Variants in YAP1 observed in about 807,000 individuals in gnomAD.
YAP1 encodes Yes1 associated transcriptional regulator.
YAP1 carries 5 observed loss-of-function variants against 56.9 expected under a neutral mutation model. That is an observed-to-expected ratio of 0.09 (90% CI 0.05 to 0.18). The LOEUF (loss-of-function observed/expected upper bound fraction) is 0.18, where lower values mean the gene tolerates loss of function less well. YAP1 is among the 10% of genes least tolerant of loss of function. The pLI is 1.00. For missense variants in YAP1, 539 were observed against 651.8 expected, an observed-to-expected ratio of 0.83 and a Z score of 1.88; for synonymous variants, 265 against 248.1, an observed-to-expected ratio of 1.07 and a Z score of -0.64.
chr11:102,177,655 G>A (rs971297967), intron 3 of YAP1, among the ~76,000 whole-genome samples: 11 of 140,006 alleles, frequency 7.9e-5, no homozygotes, highest in East Asian at 6.1e-4. Flanking sequence ...CTAGCCTGGC[G>A]ACAGAGTGAG....
intron 6 of YAP1, among the ~76,000 whole-genome samples, chr11:102,213,792 T>C (rs1236822049): frequency 1.3e-5 from 2 of 152,020 alleles, no homozygotes; most frequent in African/African-American, 4.8e-5. Context: ...ATGAGAATTC[T>C]TGAGGCAGGG....
At chr11:102,189,589 A>G (rs1948168377) in intron 4 of YAP1, among the ~76,000 whole-genome samples, 1 of 152,196 alleles carries the variant, frequency 6.6e-6, no homozygotes, top group Non-Finnish European at 1.5e-5. Flanking sequence ...TGACAAAAAC[A>G]GAATATTTAA....
At chr11:102,205,367 T>A (rs1949066137) in intron 4 of YAP1, among the ~76,000 whole-genome samples, 1 of 152,148 alleles carries the variant, frequency 6.6e-6, no homozygotes, top group Non-Finnish European at 1.5e-5. Flanking sequence ...TTGTCTTAAT[T>A]TTTGTGGATG....
intron 6 of YAP1, among the ~76,000 whole-genome samples, chr11:102,220,848 G>A (rs1949892083): frequency 6.6e-6 from 1 of 152,196 alleles, no homozygotes; most frequent in African/African-American, 2.4e-5. Context: ...TATCATTTCG[G>A]TGTAAAGGCG....
At chr11:102,209,491 T>G in intron 5 of YAP1, 26 bp from the exon 6 acceptor site, 5 of 1,599,158 alleles carry the variant, frequency 3.1e-6, no homozygotes, top group Non-Finnish European at 4.3e-6. Flanking sequence ...AAAGTAATTT[T>G]TATCCGTCTT....
chr11:102,136,709 C>T (rs1266894316), intron 2 of YAP1, among the ~76,000 whole-genome samples: 1 of 152,140 alleles, frequency 6.6e-6, no homozygotes, highest in East Asian at 1.9e-4. Context: ...TCAGAATTGA[C>T]TATGTATATA....
intron 2 of YAP1, among the ~76,000 whole-genome samples, chr11:102,117,690 C>T (rs1445242179): frequency 1.3e-5 from 2 of 152,222 alleles, no homozygotes; most frequent in East Asian, 1.9e-4. Context: ...GCAAGTGATA[C>T]GGTGGAAGTA....
intron 4 of YAP1, among the ~76,000 whole-genome samples, chr11:102,202,399 G>A (rs1361591219): frequency 2.7e-5 from 4 of 148,318 alleles, no homozygotes; most frequent in South Asian, 2.1e-4. Context: ...CCGGATGGTC[G>A]TGATCTTCTG....
chr11:102,139,836 GA>G (rs1309736945), intron 2 of YAP1, among the ~76,000 whole-genome samples: 1 of 152,128 alleles, frequency 6.6e-6, no homozygotes, highest in Non-Finnish European at 1.5e-5. Context: ...GCCTACCTAT[GA>G]AAACATCATT....
intron 3 of YAP1, among the ~76,000 whole-genome samples, chr11:102,175,303 G>A (rs1947177182): frequency 6.6e-6 from 1 of 152,142 alleles, no homozygotes; most frequent in African/African-American, 2.4e-5. Context: ...GGGAGGCTGA[G>A]GTGGGAGAAT....
chr11:102,179,617 A>C (rs1336668783), intron 3 of YAP1, among the ~76,000 whole-genome samples: 1 of 152,164 alleles, frequency 6.6e-6, no homozygotes, highest in Admixed American at 6.5e-5. Context: ...CTTACAGGTC[A>C]CTTCCTGCCC....
At chr11:102,218,237 T>G (rs1456910768) in intron 6 of YAP1, among the ~76,000 whole-genome samples, 2 of 152,238 alleles carry the variant, frequency 1.3e-5, no homozygotes, top group Middle Eastern at 3.2e-3. Context: ...TTGGCCTTGT[T>G]ACATTAGAGT....
chr11:102,136,319 A>G (rs1934356461), intron 2 of YAP1, among the ~76,000 whole-genome samples: 1 of 147,120 alleles, frequency 6.8e-6, no homozygotes. Flanking sequence ...TAATCCTTCC[A>G]TGTGCCTAGG....
chr11:102,232,398 A>G lies in YAP1; in HGVS notation c.*2458A>G, dbSNP rs1339754099. 2 of 152,124 alleles carry G rather than the reference A, an allele frequency of 1.3e-5. No individual in the cohort carries two copies. The highest frequency in any genetic ancestry group is 2.9e-5 in the Non-Finnish European group (2 of 68,036). The allele number at this position is 152,124 out of a possible 1,614,324, so 9.4% of individuals were successfully genotyped here. A position where few individuals can be genotyped will look rare whatever the true frequency, so the allele number is the denominator to read the frequency against. On this transcript the variant is annotated 3_prime_UTR_variant, in exon 9 of 9. Coordinates refer to ENST00000282441, the MANE Select transcript of YAP1 (RefSeq NM_001130145.3). ...TTAAAGGCAGCTGTTCTAGAGTTTC[A>G]GTCACCTAAGTACACCCACAAAACA...
intron 2 of YAP1, among the ~76,000 whole-genome samples, chr11:102,128,343 GATA>G (rs1343169962): frequency 6.6e-6 from 1 of 152,144 alleles, no homozygotes; most frequent in Non-Finnish European, 1.5e-5. Flanking sequence ...CTATTCTCAT[GATA>G]ATGAATAAGT....
At chr11:102,143,286 A>G (rs1404273588) in intron 2 of YAP1, among the ~76,000 whole-genome samples, 7 of 152,170 alleles carry the variant, frequency 4.6e-5, no homozygotes, top group Admixed American at 1.3e-4. Context: ...GGCACTTGCT[A>G]TGTTCCTTAA....
Position 102,120,580 on chromosome 11 carries a change from A to C in YAP1, c.572+6186A>C, listed in dbSNP as rs116762835. Among the ~76,000 whole-genome samples, 1,091 of 152,304 alleles carry C rather than the reference A, an allele frequency of 7.2e-3. 16 individuals carry two copies. Among genetic ancestry groups the C allele is most frequent in the African/African-American group, 0.024 (1,009 of 41,568 alleles). On this transcript the variant is annotated intron_variant, in intron 2 of 8. Transcript: ENST00000282441. ...TGGGATGTTAGTCACTCGACTATCAAGTTCTTCAGCAGGATTCTCAGTTGG... is the reference window on the plus strand; with the variant it reads ...TGGGATGTTAGTCACTCGACTATCACGTTCTTCAGCAGGATTCTCAGTTGG...
chr11:102,185,745 G>A (rs1158717538), intron 3 of YAP1, among the ~76,000 whole-genome samples: 1 of 151,764 alleles, frequency 6.6e-6, no homozygotes, highest in Non-Finnish European at 1.5e-5. Flanking sequence ...TAATTATTTG[G>A]GCCATGACTT....
intron 2 of YAP1, 72 bp downstream of exon 2, chr11:102,114,466 C>A: frequency 1.3e-6 from 2 of 1,512,490 alleles, no homozygotes; most frequent in South Asian, 1.3e-5. Flanking sequence ...AAAGTGGTGT[C>A]AAGATACAGA....
Sources: gnomAD v4.1 joint callset for allele counts (sites outside exome capture counted in the v4.1 genomes callset) on GRCh38, gnomAD v4.1.1 for gene constraint, MANE v1.5 for transcripts, NCBI Gene and HGNC (gene_info 2026-07-23, HGNC 2026-07-21) for gene names.